PIK3C2A: variants seen among roughly 807,000 people sequenced by gnomAD.
PIK3C2A encodes the protein phosphatidylinositol 4-phosphate 3-kinase C2 domain-containing subunit alpha.
In PIK3C2A, 97 loss-of-function variants were observed where a neutral mutation model predicts 204.5. The observed-to-expected ratio is 0.47, with a 90% CI of 0.40 to 0.56. The LOEUF (loss-of-function observed/expected upper bound fraction) is 0.56. Ranked by LOEUF, PIK3C2A falls within the 20% of genes least tolerant of loss-of-function variation. The pLI, the probability that PIK3C2A is intolerant of heterozygous loss-of-function variation, is 0.00. For synonymous variants in PIK3C2A, 653 were observed against 664.4 expected (o/e 0.98, Z 0.26); for missense variants, 1,735 against 1,969.2 (o/e 0.88, Z 2.25).
intron 1 of PIK3C2A, among the ~76,000 whole-genome samples, chr11:17,174,313 C>A (rs1426805167): frequency 1.4e-5 from 2 of 139,060 alleles, no homozygotes; most frequent in Admixed American, 7.6e-5. Context: ...AGCGGCCGGG[C>A]GCGGTGGCTC....
Position 17,174,556 on chromosome 11 carries a change from T to A in PIK3C2A, c.-65-4750A>T, listed in dbSNP as rs1478548594. Among the ~76,000 whole-genome samples the A allele has an allele frequency of 2.7e-5, 2 of 74,410 alleles. 1 individual carries two copies. The highest frequency in any genetic ancestry group is 4.8e-5 in the Non-Finnish European group (2 of 41,248). 48.8% of individuals were successfully genotyped at this position (74,410 alleles called of 152,430 possible). On this transcript the variant is annotated intron_variant, in intron 1 of 32. Transcript: ENST00000691414. ...TTGCAGTGAGCCGAGATCCCGCCAC[T>A]GCACTCCAGCCTGGGCGACAGAGCG...
chr11:17,131,806 T>C, intron 12 of PIK3C2A, 110 bp downstream of exon 12: 2 of 833,334 alleles, frequency 2.4e-6, no homozygotes, highest in South Asian at 1.5e-5. Context: ...AGTCAGAAGT[T>C]AATGAATTTC....
chr11:17,169,622 T>C lies in PIK3C2A; in HGVS notation c.120A>G (p.Ala40=), dbSNP rs771971974. The C allele has an allele frequency of 1.2e-6, 2 of 1,614,066 alleles. No individual in the cohort carries two copies. The highest frequency in any genetic ancestry group is 1.7e-6 in the Non-Finnish European group (2 of 1,180,028). The change falls in exon 2 of 33, where the codon GCA becomes GCG. Residue 40 remains alanine, a synonymous_variant. Transcript: ENST00000691414. Reference sequence around the variant, plus strand: ...TCACTTGTCTATCCTTTTGCAGTTTTGCTAAAGCCTCTGCTTCCATCTGTA... The same window carrying C: ...TCACTTGTCTATCCTTTTGCAGTTTCGCTAAAGCCTCTGCTTCCATCTGTA... ...EALQMEAEAL[A]KLQKDRQVTD...
At chr11:17,122,017 T>A (rs7924885) in intron 15 of PIK3C2A, among the ~76,000 whole-genome samples, 171 bp downstream of exon 15, 3,289 of 150,466 alleles carry the variant, frequency 0.022, 116 homozygotes, top group African/African-American at 0.076. Flanking sequence ...GACAAAAGTT[T>A]TGTAGATTAT....
At chr11:17,119,429 A>G (rs1485906698) in intron 16 of PIK3C2A, 116 bp from the exon 17 acceptor site, 1 of 680,772 alleles carries the variant, frequency 1.5e-6, no homozygotes, top group Non-Finnish European at 2.6e-6. Context: ...TATCTCTTTT[A>G]TTCAAAAGCA....
intron 27 of PIK3C2A, among the ~76,000 whole-genome samples, chr11:17,096,432 T>C (rs1377844309): frequency 2.0e-5 from 3 of 152,172 alleles, no homozygotes; most frequent in Non-Finnish European, 4.4e-5. Flanking sequence ...AATTTGGGGA[T>C]ATATATATAA....
intron 1 of PIK3C2A, among the ~76,000 whole-genome samples, chr11:17,195,328 G>A (rs563018696): frequency 2.0e-4 from 30 of 152,052 alleles, no homozygotes; most frequent in East Asian, 1.6e-3. Context: ...CAGGAGAATC[G>A]CTGGAATCCG....
In PIK3C2A at chr11:17,129,355, T is replaced by G. The variant is rs1182300172; in HGVS notation, c.2344A>C (p.Arg782=). Residue 782 remains arginine (R), a synonymous_variant, in exon 13 of 33, where the codon AGA becomes CGA. Transcript: ENST00000691414. ...SGSSPDSNKQ[R]KGPEALGKVS... is the part of the protein sequence containing the mutation. ...TTGCCCAAAGCTTCTGGTCCCTTTC[T>G]CTGCTTATTAGAATCAGGGGAACTT... is the stretch of plus-strand genomic sequence containing the variant. 8 of 1,613,906 alleles carry G rather than the reference T, an allele frequency of 5.0e-6. No individual in the cohort carries two copies. The highest frequency in any genetic ancestry group is 6.8e-6 in the Non-Finnish European group (8 of 1,179,778).
intron 1 of PIK3C2A, among the ~76,000 whole-genome samples, chr11:17,176,450 G>A (rs1590998429): frequency 6.6e-6 from 1 of 150,616 alleles, no homozygotes. Flanking sequence ...CCCTATCTCT[G>A]TAAATAAATA....
intron 2 of PIK3C2A, among the ~76,000 whole-genome samples, chr11:17,166,307 G>C (rs59650806): frequency 6.0e-4 from 92 of 152,080 alleles, no homozygotes; most frequent in African/African-American, 1.7e-3. Flanking sequence ...TAAAGAGTTC[G>C]GTTTGAGTAT....
chr11:17,126,366 G>A (rs147902012), intron 13 of PIK3C2A, among the ~76,000 whole-genome samples: 163 of 152,054 alleles, frequency 1.1e-3, no homozygotes, highest in African/African-American at 3.7e-3. Flanking sequence ...GACCAGCCTG[G>A]GCAACAGTGA....
At chr11:17,102,088 CT>C (rs1383970685) in intron 24 of PIK3C2A, among the ~76,000 whole-genome samples, 1 of 151,980 alleles carries the variant, frequency 6.6e-6, no homozygotes, top group Admixed American at 6.6e-5. Flanking sequence ...GAAATCATTT[CT>C]TTCTAAGAGT....
intron 1 of PIK3C2A, among the ~76,000 whole-genome samples, chr11:17,175,449 G>A (rs951781699): frequency 1.3e-5 from 2 of 152,168 alleles, no homozygotes; most frequent in Admixed American, 6.6e-5. Context: ...TGGGGCTGCT[G>A]CATTGACATG....
At chr11:17,138,548 A>C (rs1217862266) in intron 8 of PIK3C2A, among the ~76,000 whole-genome samples, 36 of 152,128 alleles carry the variant, frequency 2.4e-4, no homozygotes, top group Admixed American at 2.2e-3. Context: ...CAGTCCTCAG[A>C]GTGTTTTACT....
chr11:17,124,006 G>T (rs1272966432), intron 13 of PIK3C2A, among the ~76,000 whole-genome samples: 1 of 151,982 alleles, frequency 6.6e-6, no homozygotes, highest in Non-Finnish European at 1.5e-5. Flanking sequence ...TGACAAACAG[G>T]CTTTGAATCT....
In PIK3C2A at chr11:17,107,234, A is replaced by G. The variant is rs569510243; in HGVS notation, c.3545-1929T>C. 1.5e-4 allele frequency among the ~76,000 whole-genome samples: 23 copies of G among 152,206 alleles called. No homozygotes were observed. The South Asian group carries it at 4.8e-3, about 32-fold the overall frequency. ...AGGCTAAGGCAGGAGAATGGCATGAACCCAGGAGGCGGAGCTTGCAGTGAG... is the reference window on the plus strand; with the variant it reads ...AGGCTAAGGCAGGAGAATGGCATGAGCCCAGGAGGCGGAGCTTGCAGTGAG... On this transcript the variant is annotated intron_variant, in intron 22 of 32. Coordinates refer to ENST00000691414, the MANE Select transcript of PIK3C2A (RefSeq NM_002645.4).
At chr11:17,167,361 G>A (rs1464406590) in intron 2 of PIK3C2A, among the ~76,000 whole-genome samples, 1 of 151,942 alleles carries the variant, frequency 6.6e-6, no homozygotes, top group Non-Finnish European at 1.5e-5. Context: ...GGTGGCTCAC[G>A]CCTGTAATCC....
chr11:17,137,150 G>A (rs1289826084), intron 8 of PIK3C2A, among the ~76,000 whole-genome samples: 1 of 151,998 alleles, frequency 6.6e-6, no homozygotes, highest in Non-Finnish European at 1.5e-5. Context: ...TGTTAGAATG[G>A]GCTGAAACTC....
intron 2 of PIK3C2A, among the ~76,000 whole-genome samples, chr11:17,158,370 TA>T (rs1565280651): frequency 6.8e-6 from 1 of 146,588 alleles, no homozygotes; most frequent in African/African-American, 2.5e-5. Flanking sequence ...ATAATAATAA[TA>T]AATATATATA....
Sources: allele counts gnomAD v4.1 joint callset (sites outside exome capture counted in the v4.1 genomes callset), GRCh38; gene constraint gnomAD v4.1.1; transcripts MANE v1.5; gene names NCBI Gene and HGNC (gene_info 2026-07-23, HGNC 2026-07-21).